TBL1X: variants seen among roughly 807,000 people sequenced by gnomAD.
TBL1X encodes F-box-like/WD repeat-containing protein TBL1X.
TBL1X carries 10 observed loss-of-function variants against 50.7 expected under a neutral mutation model. The ratio of observed to expected loss-of-function variants is 0.20; its 90% CI spans 0.12 to 0.33. TBL1X has a LOEUF of 0.33. Among genes scored for constraint, TBL1X ranks in the 10% least tolerant of loss-of-function variants. The probability of loss-of-function intolerance (pLI) is 1.00; values close to 1 mark genes in which losing one functional copy is unlikely to be tolerated. For synonymous variants in TBL1X, 190 were observed against 214.7 expected (o/e 0.88, Z 1.01); for missense variants, 340 against 504.4 (o/e 0.67, Z 3.12).
At chrX:9,694,696 G>A (rs771612392) in intron 11 of TBL1X, among the ~76,000 whole-genome samples, 30 of 111,896 alleles carry the variant, frequency 2.7e-4, no homozygotes, top group African/African-American at 7.1e-4. Flanking sequence ...AGAGTTGGCC[G>A]GTCGTGGTGG....
chrX:9,579,357 G>A (rs1315195740), intron 2 of TBL1X, among the ~76,000 whole-genome samples: 1 of 112,008 alleles, frequency 8.9e-6, no homozygotes, highest in Non-Finnish European at 1.9e-5. Context: ...AACAGTAGGT[G>A]CACAGTTTCT....
At chrX:9,676,747 T>G (rs1299317591) in intron 5 of TBL1X, among the ~76,000 whole-genome samples, 2 of 111,993 alleles carry the variant, frequency 1.8e-5, no homozygotes, top group Non-Finnish European at 3.8e-5. Flanking sequence ...GCCTTGAGGG[T>G]TTTTTTCATA....
chrX:9,714,288 A>G (rs945120069), intron 16 of TBL1X, among the ~76,000 whole-genome samples: 2 of 112,541 alleles, frequency 1.8e-5, no homozygotes, highest in Admixed American at 9.4e-5. Context: ...ATATTATTAC[A>G]TTTAATCATG....
At chrX:9,522,013 CTT>C (rs138830348) in intron 2 of TBL1X, among the ~76,000 whole-genome samples, 6 of 88,091 alleles carry the variant, frequency 6.8e-5, no homozygotes, top group African/African-American at 1.7e-4. Flanking sequence ...TTCTTCGTTT[CTT>C]TTTTTTTTTT....
At chrX:9,676,277 C>T (rs1351818410) in intron 5 of TBL1X, among the ~76,000 whole-genome samples, 5 of 111,876 alleles carry the variant, frequency 4.5e-5, no homozygotes, top group Admixed American at 9.4e-5. Flanking sequence ...GCATCACCTC[C>T]ACTACAATTC....
intron 1 of TBL1X, among the ~76,000 whole-genome samples, chrX:9,484,127 C>T (rs2081898003): frequency 9.0e-6 from 1 of 110,499 alleles, no homozygotes; most frequent in South Asian, 3.8e-4. Flanking sequence ...GCCTCAGCCT[C>T]CTGAGTAGTT....
chrX:9,485,193 C>T (rs1429616342), intron 1 of TBL1X, among the ~76,000 whole-genome samples: 1 of 111,981 alleles, frequency 8.9e-6, no homozygotes, highest in Non-Finnish European at 1.9e-5. Context: ...TAAGACTCTG[C>T]CTTTCTAATG....
At chrX:9,638,530 AGAT>A (rs2082759676) in intron 2 of TBL1X, among the ~76,000 whole-genome samples, 1 of 112,438 alleles carries the variant, frequency 8.9e-6, no homozygotes, top group Non-Finnish European at 1.9e-5. Context: ...GATCACACAC[AGAT>A]GATAAGTTAA....
chrX:9,482,198 A>G (rs1379384537), intron 1 of TBL1X, among the ~76,000 whole-genome samples: 1 of 112,280 alleles, frequency 8.9e-6, no homozygotes, highest in Non-Finnish European at 1.9e-5. Context: ...AATTGCTACT[A>G]CCTCTTTCCT....
chrX:9,563,504 A>C (rs1162873730), intron 2 of TBL1X, among the ~76,000 whole-genome samples: 2 of 112,752 alleles, frequency 1.8e-5, no homozygotes, highest in Non-Finnish European at 3.7e-5. Flanking sequence ...ATTGAATACC[A>C]CCTGAGAGTT....
intron 5 of TBL1X, among the ~76,000 whole-genome samples, chrX:9,669,658 G>GAA (rs1461544301): frequency 8.9e-6 from 1 of 111,767 alleles, no homozygotes; most frequent in Non-Finnish European, 1.9e-5. Flanking sequence ...TGCAAGCCCT[G>GAA]AAACCCCAAC....
In TBL1X at chrX:9,590,196, G is replaced by A. The variant is rs1244848366; in HGVS notation, c.-130-50077G>A. On this transcript the variant is annotated intron_variant, in intron 2 of 17. Transcript: ENST00000645353. ...GAAACCGGTGAAATTGGGTAAGTCT[G>A]TAGTTCACTTACTTGTGCTGTGCCG... Among the ~76,000 whole-genome samples the A allele has an allele frequency of 2.7e-5, 3 of 111,771 alleles. 1 individual carries two copies. Among genetic ancestry groups the A allele is most frequent in the Middle Eastern group, 8.3e-3 (2 of 240 alleles).
chrX:9,573,583 A>T (rs1329096729), intron 2 of TBL1X, among the ~76,000 whole-genome samples: 5 of 112,832 alleles, frequency 4.4e-5, no homozygotes, highest in African/African-American at 1.6e-4. Context: ...ACTGTAAATA[A>T]ATTCTGGACG....
intron 5 of TBL1X, among the ~76,000 whole-genome samples, chrX:9,660,841 A>G (rs907401056): frequency 7.1e-5 from 8 of 112,219 alleles, no homozygotes; most frequent in African/African-American, 1.6e-4. Flanking sequence ...GATAGTTGCT[A>G]TGGTCCCAAT....
chrX:9,650,726 T>C (rs1194594634), intron 3 of TBL1X, among the ~76,000 whole-genome samples: 1 of 111,743 alleles, frequency 8.9e-6, no homozygotes, highest in Non-Finnish European at 1.9e-5. Context: ...AGGTCTTACA[T>C]TGTAAAACTT....
At chrX:9,588,690 G>A (rs1276446994) in intron 2 of TBL1X, among the ~76,000 whole-genome samples, 3 of 108,064 alleles carry the variant, frequency 2.8e-5, no homozygotes, top group Non-Finnish European at 3.8e-5. Flanking sequence ...TGCAACCACC[G>A]CTTTCCAGGT....
intron 2 of TBL1X, among the ~76,000 whole-genome samples, chrX:9,575,361 T>TC (rs1007714740): frequency 2.7e-4 from 30 of 111,603 alleles, no homozygotes; most frequent in Admixed American, 2.6e-3. Flanking sequence ...AGCAGTCACT[T>TC]CCCATTCTTC....
At chrX:9,586,626 T>C (rs991008369) in intron 2 of TBL1X, among the ~76,000 whole-genome samples, 2 of 112,258 alleles carry the variant, frequency 1.8e-5, no homozygotes, top group East Asian at 5.6e-4. Flanking sequence ...AGAGGCTGGA[T>C]GTTTTGGGTC....
intron 2 of TBL1X, among the ~76,000 whole-genome samples, chrX:9,585,777 C>T (rs777966439): frequency 2.2e-4 from 24 of 111,617 alleles, no homozygotes; most frequent in African/African-American, 7.5e-4. Context: ...ACCTTAATGA[C>T]ATCATCTTCA....
Sources: allele counts gnomAD v4.1 joint callset (sites outside exome capture counted in the v4.1 genomes callset), GRCh38; gene constraint gnomAD v4.1.1; transcripts MANE v1.5; gene names NCBI Gene and HGNC (gene_info 2026-07-23, HGNC 2026-07-21).